The following IMMP2L variants were observed in gnomAD, a reference collection of about 807,000 sequenced individuals.
The protein encoded by IMMP2L is mitochondrial inner membrane protease subunit 2.
IMMP2L carries 18 observed loss-of-function variants against 19.3 expected under a neutral mutation model. The ratio of observed to expected loss-of-function variants is 0.93; its 90% CI spans 0.64 to 1.38. The LOEUF is 1.38. Among genes scored for constraint, IMMP2L ranks in the 40% most tolerant of loss-of-function variants. IMMP2L has a pLI of 0.00. For synonymous variants in IMMP2L, 76 were observed against 73.0 expected, an observed-to-expected ratio of 1.04 and a Z score of -0.21; for missense variants, 233 against 218.2, an observed-to-expected ratio of 1.07 and a Z score of -0.43.
chr7:110,923,059 A>T (rs1585281554), intron 4 of IMMP2L, among the ~76,000 whole-genome samples: 1 of 152,220 alleles, frequency 6.6e-6, no homozygotes, highest in East Asian at 1.9e-4. Flanking sequence ...GCTAGGCCCC[A>T]GGCATAAGCA....
chr7:111,175,604 CT>C (rs1806963465), intron 3 of IMMP2L, among the ~76,000 whole-genome samples: 2 of 151,576 alleles, frequency 1.3e-5, no homozygotes, highest in South Asian at 4.2e-4. Flanking sequence ...GCCCCTATTT[CT>C]CACCATGTAC....
intron 4 of IMMP2L, among the ~76,000 whole-genome samples, chr7:110,928,176 T>C (rs898407852): frequency 8.6e-5 from 13 of 151,992 alleles, no homozygotes; most frequent in African/African-American, 2.7e-4. Flanking sequence ...TAAATCACTA[T>C]GGAGGGCATC....
chr7:110,795,426 G>T (rs539311003), intron 5 of IMMP2L, among the ~76,000 whole-genome samples: 9 of 152,174 alleles, frequency 5.9e-5, no homozygotes, highest in Non-Finnish European at 1.3e-4. Context: ...AAACAAGCAA[G>T]GGACTTTCTT....
intron 5 of IMMP2L, among the ~76,000 whole-genome samples, chr7:110,701,048 T>C (rs1443642536): frequency 6.6e-6 from 1 of 152,214 alleles, no homozygotes; most frequent in East Asian, 1.9e-4. Flanking sequence ...TTAAGGAATC[T>C]GTTTTGTTTT....
At chr7:111,538,369 T>G (rs1400789833) in intron 1 of IMMP2L, among the ~76,000 whole-genome samples, 1 of 152,150 alleles carries the variant, frequency 6.6e-6, no homozygotes, top group Admixed American at 6.5e-5. Flanking sequence ...TGTTAGTTTG[T>G]GTGTGTGGTG....
Position 110,870,385 on chromosome 7 carries a change from T to C in IMMP2L, c.408+16208A>G, listed in dbSNP as rs1429628128. 6.6e-6 allele frequency among the ~76,000 whole-genome samples: 1 copy of C among 152,132 alleles called. No individual in the cohort carries two copies. Among genetic ancestry groups the C allele is most frequent in the Non-Finnish European group, 1.5e-5 (1 of 68,026 alleles). On this transcript the variant is annotated intron_variant, in intron 5 of 5. Transcript: ENST00000405709. This position sits in a 1 kb window ranked among gnomAD's most constrained non-coding sequence, Gnocchi z 4.2. ...TGTTTATTTATTTAACAAAATGTAG[T>C]AGGTGCCTATTATGAGCCAGCCAGG...
chr7:110,784,798 T>C (rs1007737632), intron 5 of IMMP2L, among the ~76,000 whole-genome samples: 1 of 151,774 alleles, frequency 6.6e-6, no homozygotes, highest in Non-Finnish European at 1.5e-5. Context: ...GGAGAGCAGA[T>C]TTTTCAAAGC....
chr7:110,795,034 G>A (rs930347187), intron 5 of IMMP2L, among the ~76,000 whole-genome samples: 1 of 152,096 alleles, frequency 6.6e-6, no homozygotes, highest in African/African-American at 2.4e-5. Context: ...AACAGATGGG[G>A]AGATGCAGTG....
intron 5 of IMMP2L, among the ~76,000 whole-genome samples, chr7:110,818,172 A>T (rs547227169): frequency 4.9e-4 from 75 of 152,286 alleles, no homozygotes; most frequent in Non-Finnish European, 8.8e-4. Flanking sequence ...CAGAGTGAAC[A>T]GGCAACCTAC....
At chr7:111,283,926 C>G (rs963959751) in intron 3 of IMMP2L, among the ~76,000 whole-genome samples, 2 of 146,060 alleles carry the variant, frequency 1.4e-5, no homozygotes, top group African/African-American at 5.1e-5. Context: ...AGCCGAGATC[C>G]CGCCACTGCA....
At chr7:111,147,340 T>C (rs1289179897) in intron 3 of IMMP2L, among the ~76,000 whole-genome samples, 1 of 152,128 alleles carries the variant, frequency 6.6e-6, no homozygotes, top group African/African-American at 2.4e-5. Flanking sequence ...GTTTAATTAA[T>C]ATAAAGGTCT....
intron 3 of IMMP2L, among the ~76,000 whole-genome samples, chr7:111,010,237 G>C (rs991918952): frequency 3.3e-5 from 5 of 152,004 alleles, no homozygotes; most frequent in African/African-American, 7.2e-5. Flanking sequence ...TCAAAGACTT[G>C]CTATTTAAAA....
rs1797013610 is a variant in IMMP2L at position 111,092,898 on chromosome 7, AAC to A, written c.240-129335_240-129334del. Among the ~76,000 whole-genome samples, 4 of 152,308 alleles carry A rather than the reference AAC, an allele frequency of 2.6e-5. No homozygotes were observed. The South Asian group carries it at 8.3e-4, about 32-fold the overall frequency. On this transcript the variant is annotated intron_variant, in intron 3 of 5. Coordinates refer to ENST00000405709, the MANE Select transcript of IMMP2L (RefSeq NM_032549.4). ...TTTTAGTTCAACTAACCACACAGTT[AAC>A]AGAGTCAGCTTCTTTGAAACTGTGG...
chr7:111,021,236 G>A (rs1035086063), intron 3 of IMMP2L, among the ~76,000 whole-genome samples: 14 of 152,142 alleles, frequency 9.2e-5, no homozygotes, highest in Admixed American at 7.9e-4. Flanking sequence ...CCATTATCCA[G>A]CTCATCTTTC....
At chr7:111,332,870 G>A (rs1826012329) in intron 3 of IMMP2L, among the ~76,000 whole-genome samples, 1 of 151,908 alleles carries the variant, frequency 6.6e-6, no homozygotes, top group South Asian at 2.1e-4. Context: ...TTTTAAAAAA[G>A]GCTCCTTGCG....
At chr7:111,364,246 C>T (rs1303403763) in intron 3 of IMMP2L, among the ~76,000 whole-genome samples, 2 of 151,974 alleles carry the variant, frequency 1.3e-5, no homozygotes, top group Non-Finnish European at 2.9e-5. Context: ...TAATAGCCAG[C>T]TCTTATAATT....
At chr7:110,849,962 T>C (rs912295811) in intron 5 of IMMP2L, among the ~76,000 whole-genome samples, 11 of 152,086 alleles carry the variant, frequency 7.2e-5, no homozygotes, top group Admixed American at 1.3e-4. Context: ...AGAATGTTCA[T>C]AATATAATAT....
chr7:111,060,377 A>G (rs1793912785), intron 3 of IMMP2L, among the ~76,000 whole-genome samples: 1 of 152,204 alleles, frequency 6.6e-6, no homozygotes, highest in Non-Finnish European at 1.5e-5. Context: ...ACCTTTCAGG[A>G]AAACCCAATA....
intron 3 of IMMP2L, among the ~76,000 whole-genome samples, chr7:111,414,478 A>G (rs1042747494): frequency 6.6e-6 from 1 of 151,930 alleles, no homozygotes; most frequent in Middle Eastern, 3.2e-3. Context: ...AAAATTGTAT[A>G]AACAGTAAAA....
Sources: gnomAD v4.1 joint callset for allele counts (sites outside exome capture counted in the v4.1 genomes callset) on GRCh38, gnomAD v4.1.1 for gene constraint, Gnocchi (gnomAD v3.1) non-coding constraint, MANE v1.5 for transcripts, NCBI Gene and HGNC (gene_info 2026-07-23, HGNC 2026-07-21) for gene names.